The following SORCS3 variants were observed in gnomAD, a reference collection of about 807,000 sequenced individuals.
The protein encoded by SORCS3 is VPS10 domain-containing receptor SorCS3.
Under a neutral mutation model 146.3 loss-of-function variants are expected in SORCS3, and 57 were observed. The observed-to-expected ratio is 0.39, with a 90% confidence interval of 0.31 to 0.49. The LOEUF (loss-of-function observed/expected upper bound fraction) is 0.49, where lower values mean the gene tolerates loss of function less well. Ranked by LOEUF, SORCS3 falls within the 20% of genes least tolerant of loss-of-function variation. The probability of loss-of-function intolerance (pLI) is 0.92; values close to 1 mark genes in which losing one functional copy is unlikely to be tolerated. For synonymous variants in SORCS3, 653 were observed against 618.5 expected, an observed-to-expected ratio of 1.06 and a Z score of -0.83; for missense variants, 1,341 against 1,575.5, an observed-to-expected ratio of 0.85 and a Z score of 2.52.
At chr10:104,874,554 G>T (rs2018551389) in intron 2 of SORCS3, among the ~76,000 whole-genome samples, 1 of 151,874 alleles carries the variant, frequency 6.6e-6, no homozygotes, top group Non-Finnish European at 1.5e-5. Flanking sequence ...GGGGCCCTCT[G>T]GAAACCCTTA....
At chr10:104,970,943 T>C (rs2054857147) in intron 3 of SORCS3, among the ~76,000 whole-genome samples, 1 of 152,228 alleles carries the variant, frequency 6.6e-6, no homozygotes, top group African/African-American at 2.4e-5. Context: ...CCTTATGGTT[T>C]AGACTGCATG....
chr10:105,211,217 GCAGCCTTGGTCAAAGCTACCTTAA>G lies in SORCS3; in HGVS notation c.2347_2370del (p.Leu783_Ser790del). On this transcript the variant is annotated inframe_deletion, in exon 17 of 27. Transcript: ENST00000369701. ...AATCCAGCATCCCCATCAAAGGACT[GCAGCCTTGGTCAAAGCTACCTTAA>G]CAGCACTGGGTAAGTAAAACACCTA... 6.2e-7 allele frequency: 1 copy of G among 1,614,046 alleles called. No individual in the cohort carries two copies. The highest frequency in any genetic ancestry group is 2.2e-5 in the East Asian group (1 of 44,862).
chr10:105,199,815 C>T (rs1304077028), intron 14 of SORCS3, among the ~76,000 whole-genome samples, 184 bp from the exon 15 acceptor site: 3 of 152,042 alleles, frequency 2.0e-5, no homozygotes. Flanking sequence ...GAATGACATG[C>T]CAGTTGATTG....
chr10:104,830,459 C>G (rs1443446376), intron 1 of SORCS3, among the ~76,000 whole-genome samples: 1 of 152,106 alleles, frequency 6.6e-6, no homozygotes, highest in East Asian at 1.9e-4. Context: ...TGAGGTGCAT[C>G]AGAAGAACCC....
chr10:104,890,286 G>A (rs188136014), intron 2 of SORCS3, among the ~76,000 whole-genome samples: 37 of 151,880 alleles, frequency 2.4e-4, no homozygotes, highest in Admixed American at 9.8e-4. Flanking sequence ...TCCTTTTAGA[G>A]ACTCTGATTA....
intron 4 of SORCS3, among the ~76,000 whole-genome samples, chr10:105,023,912 A>G (rs1462412558): frequency 1.3e-5 from 2 of 152,160 alleles, no homozygotes; most frequent in Non-Finnish European, 2.9e-5. Flanking sequence ...GTATGAAATT[A>G]TCAAACCGTA....
Position 105,054,406 on chromosome 10 carries a change from T to C in SORCS3, c.1028+11278T>C, listed in dbSNP as rs150707160. Among the ~76,000 whole-genome samples, 1,138 of 151,820 alleles carry C rather than the reference T, an allele frequency of 7.5e-3. 19 individuals carry two copies. Among genetic ancestry groups the C allele is most frequent in the African/African-American group, 0.026 (1,077 of 41,504 alleles). ...TCAATCATATATATTAGATATTAGATATATATAAAAGGCATAAAAATATTT... is the reference window on the plus strand; with the variant it reads ...TCAATCATATATATTAGATATTAGACATATATAAAAGGCATAAAAATATTT... On this transcript the variant is annotated intron_variant, in intron 5 of 26. Coordinates refer to ENST00000369701, the MANE Select transcript of SORCS3 (RefSeq NM_014978.3).
intron 5 of SORCS3, among the ~76,000 whole-genome samples, chr10:105,057,696 C>A (rs6584650): frequency 6.6e-6 from 1 of 152,006 alleles, no homozygotes; most frequent in Non-Finnish European, 1.5e-5. Flanking sequence ...CCACTCTCAC[C>A]CTAGCCTGTT....
chr10:104,803,215 A>C (rs959083092), intron 1 of SORCS3, among the ~76,000 whole-genome samples: 2 of 152,256 alleles, frequency 1.3e-5, no homozygotes, highest in Non-Finnish European at 2.9e-5. Context: ...ACTTCTAGCT[A>C]CAAGGAAAGT....
intron 6 of SORCS3, among the ~76,000 whole-genome samples, chr10:105,092,754 G>GA (rs1037087750): frequency 9.2e-5 from 14 of 151,726 alleles, no homozygotes; most frequent in African/African-American, 2.9e-4. Context: ...TTGGCGATAG[G>GA]AAAAAACAAA....
chr10:104,708,911 AT>A (rs976480774), intron 1 of SORCS3, among the ~76,000 whole-genome samples: 44 of 152,214 alleles, frequency 2.9e-4, no homozygotes, highest in African/African-American at 9.9e-4. Context: ...ACAGAGTACT[AT>A]TGCAAAAGGG....
intron 6 of SORCS3, among the ~76,000 whole-genome samples, chr10:105,090,888 CAG>C (rs1350117612): frequency 6.6e-6 from 1 of 152,216 alleles, no homozygotes; most frequent in Non-Finnish European, 1.5e-5. Flanking sequence ...TGGTATCGTT[CAG>C]AGTTTAAGTA....
At chr10:104,848,250 C>T (rs1334895994) in intron 2 of SORCS3, among the ~76,000 whole-genome samples, 2 of 152,094 alleles carry the variant, frequency 1.3e-5, no homozygotes, top group East Asian at 3.8e-4. Context: ...GACTTTTCAT[C>T]TGGTTCACAA....
intron 1 of SORCS3, among the ~76,000 whole-genome samples, chr10:104,805,852 TG>T (rs1439577601): frequency 1.3e-5 from 2 of 152,198 alleles, no homozygotes; most frequent in African/African-American, 4.8e-5. Context: ...CTCTTCTTCC[TG>T]TTCTTGCTTT....
At chr10:104,743,739 T>C (rs2016876734) in intron 1 of SORCS3, among the ~76,000 whole-genome samples, 1 of 152,148 alleles carries the variant, frequency 6.6e-6, no homozygotes, top group Admixed American at 6.5e-5. Context: ...TGTGAACCTG[T>C]ACGTGCTGCT....
At chr10:104,722,588 G>A (rs1166187051) in intron 1 of SORCS3, among the ~76,000 whole-genome samples, 1 of 152,164 alleles carries the variant, frequency 6.6e-6, no homozygotes, top group East Asian at 1.9e-4. Context: ...GTAGAATTTG[G>A]CTGTGAATCC....
intron 1 of SORCS3, among the ~76,000 whole-genome samples, chr10:104,700,664 G>T (rs371536613): frequency 2.0e-4 from 31 of 152,004 alleles, no homozygotes; most frequent in African/African-American, 7.2e-4. Context: ...TAAAGTGGGG[G>T]TGGGTAGGGA....
intron 4 of SORCS3, among the ~76,000 whole-genome samples, chr10:104,999,210 T>G (rs561873371): frequency 1.3e-5 from 2 of 152,332 alleles, no homozygotes; most frequent in East Asian, 3.9e-4. Flanking sequence ...AAATTCTTTT[T>G]AGTCATTTTT....
intron 15 of SORCS3, 147 bp downstream of exon 15, chr10:105,200,263 AAC>A: frequency 1.5e-6 from 1 of 646,888 alleles, no homozygotes; most frequent in East Asian, 2.7e-5. Flanking sequence ...AAAAGGGTGA[AAC>A]ACACTCAGGT....
Sources: gnomAD v4.1 joint callset for allele counts (sites outside exome capture counted in the v4.1 genomes callset) on GRCh38, gnomAD v4.1.1 for gene constraint, MANE v1.5 for transcripts, NCBI Gene and HGNC (gene_info 2026-07-23, HGNC 2026-07-21) for gene names.